NAPRT: variants seen among roughly 807,000 people sequenced by gnomAD.
NAPRT encodes nicotinate phosphoribosyltransferase.
NAPRT carries 66 observed loss-of-function variants against 60.7 expected under a neutral mutation model. That is an observed-to-expected ratio of 1.09 (90% confidence interval 0.89 to 1.33). The LOEUF (loss-of-function observed/expected upper bound fraction) is 1.33, where lower values mean the gene tolerates loss of function less well. Among genes scored for constraint, NAPRT ranks in the 40% most tolerant of loss-of-function variants. The pLI is 0.00. For missense variants in NAPRT, 818 were observed against 731.5 expected, an observed-to-expected ratio of 1.12 and a Z score of -1.36; for synonymous variants, 405 against 335.7, an observed-to-expected ratio of 1.21 and a Z score of -2.26.
Position 143,577,457 on chromosome 8 carries a change from C to T in NAPRT, c.438-58G>A, listed in dbSNP as rs1033158473. 1.2e-5 allele frequency: 18 copies of T among 1,548,262 alleles called. No homozygotes were observed. The Admixed American group carries it at 1.3e-4, about 12-fold the overall frequency. ...GTGAGGATCACTAGGCCACCCAAGACGGCGGTTACCTGGGGCCTGGAACTT... is the reference window on the plus strand; with the variant it reads ...GTGAGGATCACTAGGCCACCCAAGATGGCGGTTACCTGGGGCCTGGAACTT... On this transcript the variant is annotated intron_variant, in intron 3 of 12. Coordinates refer to ENST00000449291, the MANE Select transcript of NAPRT (RefSeq NM_145201.6).
At chr8:143,576,236 C>T (rs1425577276) in intron 7 of NAPRT, 74 bp from the exon 8 acceptor site, 15 of 1,439,400 alleles carry the variant, frequency 1.0e-5, no homozygotes, top group Middle Eastern at 1.8e-4. Context: ...CCCCCTGCTC[C>T]CCGCCCCGCC....
At chr8:143,575,375 G>A (rs147018637) in intron 10 of NAPRT, 30 bp from the exon 11 acceptor site, 11 of 1,599,002 alleles carry the variant, frequency 6.9e-6, no homozygotes, top group South Asian at 3.3e-5. Context: ...ATAAGCGGGG[G>A]CCCTGGTGCT....
chr8:143,574,799 A>T lies in NAPRT; in HGVS notation c.*39T>A. On this transcript the variant is annotated 3_prime_UTR_variant, in exon 13 of 13. Transcript: ENST00000449291. ...ACAGGACAAGCTGTGGGGAAAAGTG[A>T]GTGATTCGTGTTGTTTCCAGTCAGC... 1.3e-6 allele frequency: 2 copies of T among 1,549,356 alleles called. No individual in the cohort carries two copies. Among genetic ancestry groups the T allele is most frequent in the South Asian group, 1.2e-5 (1 of 84,042 alleles).
rs1824571996 is a variant in NAPRT at position 143,577,664 on chromosome 8, A to G, written c.430T>C (p.Tyr144His). 2 of 1,538,616 alleles carry G rather than the reference A, an allele frequency of 1.3e-6. No homozygotes were observed. Among genetic ancestry groups the G allele is most frequent in the Admixed American group, 2.0e-5 (1 of 51,034 alleles). The change falls in exon 3 of 13, where the codon TAC becomes CAC. Residue 144 changes from tyrosine (Y) to histidine (H), a missense_variant. Coordinates refer to ENST00000449291, the MANE Select transcript of NAPRT (RefSeq NM_145201.6). ...LETPLLCLVSYASLVATNAAR... is the reference protein window; with the variant it reads ...LETPLLCLVSHASLVATNAAR... Reference sequence around the variant, plus strand: ...CAGTGGCCCGCAGCCCACCTGGCGTAGCTGACCAGGCAGAGCAGCGGTGTC... The same window carrying G: ...CAGTGGCCCGCAGCCCACCTGGCGTGGCTGACCAGGCAGAGCAGCGGTGTC...
intron 8 of NAPRT, 34 bp from the exon 9 acceptor site, chr8:143,575,736 T>G: frequency 2.5e-6 from 3 of 1,206,316 alleles, no homozygotes; most frequent in Non-Finnish European, 3.3e-6. Context: ...TGAGCCCAGC[T>G]GCCCTGGGTG....
chr8:143,575,607 C>G lies in NAPRT; in HGVS notation c.1188+15G>C, dbSNP rs574749028. The stretch of plus-strand genomic sequence containing the variant: ...TCAGACCTGCCCCCACCTGGGCCCC[C>G]GACACTGTCCCTACCTTATAGACGC... On this transcript the variant is annotated intron_variant, in intron 9 of 12. Transcript: ENST00000449291. The G allele has an allele frequency of 1.3e-6, 2 of 1,586,664 alleles. No individual in the cohort carries two copies. Among genetic ancestry groups the G allele is most frequent in the South Asian group, 1.1e-5 (1 of 88,230 alleles).
rs1824656860 is a variant in NAPRT, at chr8:143,578,192, G to A, written c.127C>T (p.Leu43Phe). The A allele has an allele frequency of 6.6e-7, 1 of 1,511,658 alleles. No homozygotes were observed. The highest frequency in any genetic ancestry group is 8.8e-7 in the Non-Finnish European group (1 of 1,134,872). The allele number at this position is 1,511,658 out of a possible 1,614,324, so 93.6% of individuals were successfully genotyped here. ...CCGAACGGGCAGCGGCGGAAGAAGA[G>A]CTCGAACTCGGCGGCGTCCCGCGCC... ...GRARDAAEFE[L>F]FFRRCPFGGA... Residue 43 changes from leucine to phenylalanine, a missense_variant, in exon 1 of 13, where the codon CTC becomes TTC. Transcript: ENST00000449291.
chr8:143,577,914 G>T lies in NAPRT; in HGVS notation c.256C>A (p.Pro86Thr). The T allele has an allele frequency of 6.2e-7, 1 of 1,611,716 alleles. No homozygotes were observed. Reference protein sequence around the residue: ...DVQFLASVLPPDTDPAFFEHL... With the variant: ...DVQFLASVLPTDTDPAFFEHL... ...TCGAAGAACGCAGGATCCGTGTCTGGGGGCAGCACCGAGGCCAGGAACTGC... is the reference window on the plus strand; with the variant it reads ...TCGAAGAACGCAGGATCCGTGTCTGTGGGCAGCACCGAGGCCAGGAACTGC... Residue 86 changes from proline (P) to threonine (T), a missense_variant, in exon 2 of 13, where the codon CCA becomes ACA. Pro to Thr is a conservative substitution (Grantham distance 38). Coordinates refer to ENST00000449291, the MANE Select transcript of NAPRT (RefSeq NM_145201.6).
Position 143,578,267 on chromosome 8 carries a change from T to G in NAPRT, c.52A>C (p.Thr18Pro). Residue 18 changes from threonine to proline, a missense_variant, in exon 1 of 13, where the codon ACT becomes CCT. Thr to Pro is a conservative substitution (Grantham distance 38). Coordinates refer to ENST00000449291, the MANE Select transcript of NAPRT (RefSeq NM_145201.6). The part of the protein sequence containing the change: ...EARAAARPLL[T>P]DLYQATMALG... ...GCCATGGTGGCCTGGTAGAGGTCAG[T>G]GAGCAGCGGCCGCGCCGCCGCGCGC... is the stretch of plus-strand genomic sequence containing the variant. The G allele has an allele frequency of 2.1e-6, 3 of 1,430,984 alleles. No homozygotes were observed. Among genetic ancestry groups the G allele is most frequent in the Non-Finnish European group, 2.7e-6 (3 of 1,098,510 alleles). 88.6% of individuals were successfully genotyped at this position (1,430,984 alleles called of 1,614,324 possible). A position where few individuals can be genotyped will look rare whatever the true frequency, so the allele number is the denominator to read the frequency against.
At position 143,578,129 on chromosome 8, in the gene NAPRT, C is replaced by A; in HGVS notation, c.190G>T (p.Val64Leu). 2 of 1,525,766 alleles carry A rather than the reference C, an allele frequency of 1.3e-6. No individual in the cohort carries two copies. The highest frequency in any genetic ancestry group is 1.7e-6 in the Non-Finnish European group (2 of 1,143,342). 94.5% of individuals were successfully genotyped at this position (1,525,766 alleles called of 1,614,324 possible). A position where few individuals can be genotyped will look rare whatever the true frequency, so the allele number is the denominator to read the frequency against. The change falls in exon 1 of 13, where the codon GTG becomes TTG. Residue 64 changes from valine to leucine, a missense_variant. Val to Leu is a conservative substitution (Grantham distance 32). Coordinates refer to ENST00000449291, the MANE Select transcript of NAPRT (RefSeq NM_145201.6). ...AGGCGGAAGGCGCGCAGGAAGCGCACACAGTCGCGCAAGCCGGCGGCCAAG... is the reference window on the plus strand; with the variant it reads ...AGGCGGAAGGCGCGCAGGAAGCGCAAACAGTCGCGCAAGCCGGCGGCCAAG... ...FALAAGLRDC[V>L]RFLRAFRLRD...
Position 143,576,174 on chromosome 8 carries a change from G to A in NAPRT, c.1023-12C>T. 4 of 1,586,212 alleles carry A rather than the reference G, an allele frequency of 2.5e-6. No individual in the cohort carries two copies. Among genetic ancestry groups the A allele is most frequent in the Non-Finnish European group, 3.4e-6 (4 of 1,164,484 alleles). On this transcript the variant is annotated splice_polypyrimidine_tract_variant and intron_variant, in intron 7 of 12. Transcript: ENST00000449291. Reference sequence around the variant, plus strand: ...AGGGCACCTGGAACCTGCCGCGTGGGTGGAGAAAGGGTGGGGGCCACCCCT... The same window carrying A: ...AGGGCACCTGGAACCTGCCGCGTGGATGGAGAAAGGGTGGGGGCCACCCCT...
intron 11 of NAPRT, 39 bp from the exon 12 acceptor site, chr8:143,575,132 G>A (rs1824338967): frequency 6.4e-7 from 1 of 1,564,640 alleles, no homozygotes; most frequent in South Asian, 1.2e-5. Flanking sequence ...CTTGGGGCTA[G>A]CTCCCAGTCA....
Position 143,577,193 on chromosome 8 carries a change from G to A in NAPRT, c.569-16C>T, listed in dbSNP as rs1242648135. The A allele has an allele frequency of 1.4e-5, 23 of 1,609,412 alleles. No individual in the cohort carries two copies. Among genetic ancestry groups the A allele is most frequent in the Non-Finnish European group, 1.9e-5 (22 of 1,177,834 alleles). On this transcript the variant is annotated splice_polypyrimidine_tract_variant and intron_variant, in intron 4 of 12. Transcript: ENST00000449291. The stretch of plus-strand genomic sequence containing the variant: ...CTGTCGAAGCCTGGGGAGGAAGGCG[G>A]TGGGATTGGGGGACCTCGGGCCAAG...
rs754319371 is a variant in NAPRT at position 143,577,022 on chromosome 8, C to T, written c.684+40G>A. ...GCCAGGGCAAGGGCTGGCTTGGGGCCTGTCGCCTGGAGACAGCAGGGTTTA... is the reference window on the plus strand; with the variant it reads ...GCCAGGGCAAGGGCTGGCTTGGGGCTTGTCGCCTGGAGACAGCAGGGTTTA... On this transcript the variant is annotated intron_variant, in intron 5 of 12. Transcript: ENST00000449291. 1.1e-5 allele frequency: 18 copies of T among 1,592,644 alleles called. No homozygotes were observed. The East Asian group carries it at 4.0e-4, about 36-fold the overall frequency.
At position 143,577,909 on chromosome 8, in the gene NAPRT, G is replaced by C. The variant is rs1372047877; in HGVS notation, c.261C>G (p.Asp87Glu). Residue 87 changes from aspartate (D) to glutamate (E), a missense_variant, in exon 2 of 13, where the codon GAC (aspartate) becomes GAG (glutamate). Physicochemically the swap from Asp to Glu is conservative, Grantham distance 45. Transcript: ENST00000449291. ...GGTGCTCGAAGAACGCAGGATCCGT[G>C]TCTGGGGGCAGCACCGAGGCCAGGA... Reference protein sequence around the residue: ...VQFLASVLPPDTDPAFFEHLR... With the variant: ...VQFLASVLPPETDPAFFEHLR... The C allele has an allele frequency of 6.2e-7, 1 of 1,611,972 alleles. No individual in the cohort carries two copies. Among genetic ancestry groups the C allele is most frequent in the African/African-American group, 1.3e-5 (1 of 74,922 alleles).
downstream of NAPRT, chr8:143,574,546 C>T (rs1824287142): frequency 1.7e-6 from 1 of 580,548 alleles, no homozygotes; most frequent in African/African-American, 1.9e-5. Context: ...CTGCCTGTGG[C>T]TTTGTAGTTC....
At position 143,578,126 on chromosome 8, in the gene NAPRT, GCA is replaced by G. The variant is rs1362055037; in HGVS notation, c.191_192del (p.Val64AlafsTer163). The stretch of plus-strand genomic sequence containing the variant: ...CGCAGGCGGAAGGCGCGCAGGAAGC[GCA>G]CACAGTCGCGCAAGCCGGCGGCCAA... ...FALAAGLRDC[V>X]RFLRAFRLRD... is the part of the protein sequence containing the mutation. On this transcript the variant is annotated frameshift_variant, in exon 1 of 13. Transcript: ENST00000449291. LOFTEE classifies it high-confidence loss of function. 1.6e-5 allele frequency: 24 copies of G among 1,527,856 alleles called. No individual in the cohort carries two copies. The highest frequency in any genetic ancestry group is 2.1e-5 in the Admixed American group (1 of 47,236). The allele number at this position is 1,527,856 out of a possible 1,614,324, so 94.6% of individuals were successfully genotyped here.
At chr8:143,577,769 G>A (rs760586291) in intron 2 of NAPRT, 30 bp from the exon 3 acceptor site, 1 of 1,568,100 alleles carries the variant, frequency 6.4e-7, no homozygotes, top group South Asian at 1.2e-5. Flanking sequence ...CTCCGCGCTC[G>A]GCCCAGCACC....
chr8:143,574,241 C>T (rs1251934317), downstream of NAPRT, among the ~76,000 whole-genome samples: 1 of 152,246 alleles, frequency 6.6e-6, no homozygotes, highest in Non-Finnish European at 1.5e-5. Context: ...CCTCTCCTTC[C>T]GTGGGCTGCT....
Sources: gnomAD v4.1 joint callset for allele counts (sites outside exome capture counted in the v4.1 genomes callset) on GRCh38, gnomAD v4.1.1 for gene constraint, MANE v1.5 for transcripts, NCBI Gene and HGNC (gene_info 2026-07-23, HGNC 2026-07-21) for gene names.